The following FAM111B variants were observed in gnomAD, a reference collection of about 807,000 sequenced individuals.
The protein encoded by FAM111B is serine protease FAM111B.
A neutral mutation model predicts 2.8 loss-of-function variants in FAM111B; 1 was observed. The observed-to-expected ratio is 0.36, with a 90% CI of 0.13 to 1.70. The LOEUF is 1.70. Ranked by LOEUF, FAM111B falls within the 40% of genes most tolerant of loss-of-function variation. FAM111B has a pLI of 0.35. For synonymous variants in FAM111B, 297 were observed against 295.6 expected, an observed-to-expected ratio of 1.00 and a Z score of -0.05; for missense variants, 882 against 878.9, an observed-to-expected ratio of 1.00 and a Z score of -0.04.
In FAM111B at chr11:59,124,465, A is replaced by ACT. The variant is rs767223238; in HGVS notation, c.368_369insCT (p.Gln124PhefsTer15). 108 of 1,613,544 alleles carry ACT rather than the reference A, an allele frequency of 6.7e-5. No individual in the cohort carries two copies. The highest frequency in any genetic ancestry group is 8.6e-5 in the Non-Finnish European group (102 of 1,179,832). ...GACTATTTCAGTGAAAGGATAAAGAATCAGTTTAATAAGAACATTATTGTT... is the reference window on the plus strand; with the variant it reads ...GACTATTTCAGTGAAAGGATAAAGAACTTCAGTTTAATAAGAACATTATTGTT... On this transcript the variant is annotated frameshift_variant, in exon 4 of 4. Coordinates refer to ENST00000343597, the MANE Select transcript of FAM111B (RefSeq NM_198947.4). LOFTEE classifies it low-confidence loss of function (END_TRUNC).
intron 3 of FAM111B, among the ~76,000 whole-genome samples, chr11:59,123,597 TC>T (rs1194216451): frequency 2.0e-5 from 3 of 152,178 alleles, no homozygotes; most frequent in African/African-American, 7.2e-5. Flanking sequence ...CTGGAAATAA[TC>T]TAAATATTCA....
chr11:59,125,539 A>G lies in FAM111B; in HGVS notation c.1442A>G (p.Asn481Ser), dbSNP rs369331071. 3.2e-5 allele frequency: 52 copies of G among 1,613,848 alleles called. No homozygotes were observed. The highest frequency in any genetic ancestry group is 2.7e-4 in the East Asian group (12 of 44,886). The change falls in exon 4 of 4, where the codon AAT becomes AGT. Residue 481 changes from asparagine (N) to serine (S), a missense_variant. Coordinates refer to ENST00000343597, the MANE Select transcript of FAM111B (RefSeq NM_198947.4). ...NTGNATCFVF[N>S]GGYIFTCRHV... ...GGTAATGCTACTTGCTTTGTCTTCA[A>G]TGGTGGTTATATTTTCACCTGTCGA... is the stretch of plus-strand genomic sequence containing the variant.
chr11:59,109,450 C>T, intron 2 of FAM111B, 90 bp from the exon 3 acceptor site: 1 of 484,552 alleles, frequency 2.1e-6, no homozygotes, highest in Non-Finnish European at 3.7e-6. Flanking sequence ...TGATTTTCTT[C>T]TCAGATATCA....
chr11:59,112,178 T>C (rs1490458260), intron 3 of FAM111B, among the ~76,000 whole-genome samples: 2 of 152,186 alleles, frequency 1.3e-5, no homozygotes, highest in African/African-American at 4.8e-5. Flanking sequence ...GCCCTATTCA[T>C]CCCAGTCCCT....
intron 3 of FAM111B, among the ~76,000 whole-genome samples, chr11:59,112,811 A>G (rs2135396813): frequency 6.6e-6 from 1 of 152,320 alleles, no homozygotes; most frequent in Middle Eastern, 3.4e-3. Flanking sequence ...TGTCTATTAA[A>G]ATATTTTTCC....
chr11:59,120,204 A>G lies in FAM111B; in HGVS notation c.82-3975A>G, dbSNP rs376122811. On this transcript the variant is annotated intron_variant, in intron 3 of 3. Transcript: ENST00000343597. Reference sequence around the variant, plus strand: ...TCAAGATATACTAATGAGTAGAAAAATTCAAAATTAAGACAATATTTCATG... The same window carrying G: ...TCAAGATATACTAATGAGTAGAAAAGTTCAAAATTAAGACAATATTTCATG... 1.6e-3 allele frequency among the ~76,000 whole-genome samples: 243 copies of G among 152,370 alleles called. 4 individuals are homozygous for G. In the South Asian group the frequency reaches 0.046, roughly 29 times the overall value.
At position 59,124,995 on chromosome 11, in the gene FAM111B, C is replaced by A; in HGVS notation, c.898C>A (p.Gln300Lys). ...TGAAATTAATCACCAGAGTCTGATA[C>A]AGTCTAAGAAAAAAGTCCACAAACC... ...TDEINHQSLI[Q>K]SKKKVHKPKK... The change falls in exon 4 of 4, where the codon CAG becomes AAG. Residue 300 changes from glutamine to lysine, a missense_variant. Transcript: ENST00000343597. 6.2e-7 allele frequency: 1 copy of A among 1,612,272 alleles called. No individual in the cohort carries two copies.
At position 59,124,750 on chromosome 11, in the gene FAM111B, G is replaced by A. The variant is rs1060428; in HGVS notation, c.653G>A (p.Gly218Asp). 1,256 of 1,613,818 alleles carry A rather than the reference G, an allele frequency of 7.8e-4. 16 individuals are homozygous for A. The African/African-American group carries it at 0.015, about 19-fold the overall frequency. The change falls in exon 4 of 4, where the codon GGT becomes GAT. Residue 218 changes from glycine (G) to aspartate (D), a missense_variant. Physicochemically the swap from Gly to Asp is moderately conservative, Grantham distance 94 (BLOSUM62 -1). Coordinates refer to ENST00000343597, the MANE Select transcript of FAM111B (RefSeq NM_198947.4). ...AAACTTTGTATTTATGCCTTGAAGGGTGAGACTATTGAAGGAGCCTTATGC... is the reference window on the plus strand; with the variant it reads ...AAACTTTGTATTTATGCCTTGAAGGATGAGACTATTGAAGGAGCCTTATGC... ...GSKLCIYALK[G>D]ETIEGALCKD...
Position 59,125,004 on chromosome 11 carries a change from A to G in FAM111B, c.907A>G (p.Lys303Glu). The change falls in exon 4 of 4, where the codon AAA becomes GAA. Residue 303 changes from lysine to glutamate, a missense_variant. By Grantham distance (56) the Lys-to-Glu change is moderately conservative. Coordinates refer to ENST00000343597, the MANE Select transcript of FAM111B (RefSeq NM_198947.4). ...TCACCAGAGTCTGATACAGTCTAAG[A>G]AAAAAGTCCACAAACCAAAGAAAGA... is the stretch of plus-strand genomic sequence containing the variant. Reference protein sequence around the residue: ...INHQSLIQSKKKVHKPKKDGE... With the variant: ...INHQSLIQSKEKVHKPKKDGE... The G allele has an allele frequency of 6.2e-7, 1 of 1,612,736 alleles. No individual in the cohort carries two copies. The highest frequency in any genetic ancestry group is 1.7e-4 in the Middle Eastern group (1 of 6,060).
At chr11:59,115,389 C>A (rs1859823734) in intron 3 of FAM111B, among the ~76,000 whole-genome samples, 1 of 152,198 alleles carries the variant, frequency 6.6e-6, no homozygotes. Context: ...TCATCCAGTT[C>A]CCCATCTTTG....
At chr11:59,121,681 T>C (rs1421593660) in intron 3 of FAM111B, among the ~76,000 whole-genome samples, 1 of 152,230 alleles carries the variant, frequency 6.6e-6, no homozygotes, top group Non-Finnish European at 1.5e-5. Context: ...GAGACACCCT[T>C]GTAGATGTGC....
At position 59,124,792 on chromosome 11, in the gene FAM111B, G is replaced by C; in HGVS notation, c.695G>C (p.Arg232Pro). 1.2e-6 allele frequency: 2 copies of C among 1,613,662 alleles called. No homozygotes were observed. Among genetic ancestry groups the C allele is most frequent in the Non-Finnish European group, 1.7e-6 (2 of 1,179,786 alleles). The stretch of plus-strand genomic sequence containing the variant: ...GCCTTATGCAAGGATGGCCGTTTTC[G>C]GTCTGACATAGGTGAATTTGAATGG... ...EGALCKDGRF[R>P]SDIGEFEWKL... The change falls in exon 4 of 4, where the codon CGG becomes CCG. Residue 232 changes from arginine to proline, a missense_variant. Transcript: ENST00000343597.
At chr11:59,112,079 A>C (rs1859766616) in intron 3 of FAM111B, among the ~76,000 whole-genome samples, 1 of 152,222 alleles carries the variant, frequency 6.6e-6, no homozygotes, top group Non-Finnish European at 1.5e-5. Flanking sequence ...AACCATGACC[A>C]AAATCCAGAA....
chr11:59,118,808 T>G (rs1048634629), intron 3 of FAM111B, among the ~76,000 whole-genome samples: 4 of 152,228 alleles, frequency 2.6e-5, no homozygotes, highest in Middle Eastern at 3.2e-3. Flanking sequence ...TTGAGATGAT[T>G]CTGTGTATAT....
chr11:59,111,286 TG>T (rs1432561116), intron 3 of FAM111B, among the ~76,000 whole-genome samples: 2 of 152,226 alleles, frequency 1.3e-5, no homozygotes, highest in African/African-American at 4.8e-5. Context: ...ATTCTTAAGC[TG>T]TCATGAATTC....
rs150569626 is a variant in FAM111B, at chr11:59,113,697, G to A, written c.81+3991G>A. ...CAGATGGAGTCACGTCTCTATCAGC[G>A]TCCCCCAGACTTAGAGTCCCCTGGA... On this transcript the variant is annotated intron_variant, in intron 3 of 3. Coordinates refer to ENST00000343597, the MANE Select transcript of FAM111B (RefSeq NM_198947.4). Among the ~76,000 whole-genome samples the A allele has an allele frequency of 4.9e-3, 741 of 152,272 alleles. 9 individuals are homozygous for A. The highest frequency in any genetic ancestry group is 0.02 in the Middle Eastern group (6 of 294).
chr11:59,120,565 AAGATGTCAGC>A (rs923290284), intron 3 of FAM111B, among the ~76,000 whole-genome samples: 14 of 152,348 alleles, frequency 9.2e-5, no homozygotes, highest in African/African-American at 3.4e-4. Context: ...GTACAAGGTC[AAGATGTCAGC>A]AGAGTTTGTG....
At position 59,124,995 on chromosome 11, in the gene FAM111B, C is replaced by G. The variant is rs1859995016; in HGVS notation, c.898C>G (p.Gln300Glu). Residue 300 changes from glutamine (Q) to glutamate (E), a missense_variant, in exon 4 of 4, where the codon CAG becomes GAG. Gln to Glu is a conservative substitution (Grantham distance 29). Coordinates refer to ENST00000343597, the MANE Select transcript of FAM111B (RefSeq NM_198947.4). ...TDEINHQSLI[Q>E]SKKKVHKPKK... is the part of the protein sequence containing the mutation. ...TGAAATTAATCACCAGAGTCTGATA[C>G]AGTCTAAGAAAAAAGTCCACAAACC... is the stretch of plus-strand genomic sequence containing the variant. The G allele has an allele frequency of 6.2e-7, 1 of 1,612,272 alleles. No homozygotes were observed. The highest frequency in any genetic ancestry group is 8.5e-7 in the Non-Finnish European group (1 of 1,179,602).
intron 3 of FAM111B, 112 bp from the exon 4 acceptor site, chr11:59,124,067 C>A: frequency 1.6e-6 from 1 of 631,840 alleles, no homozygotes; most frequent in Non-Finnish European, 2.5e-6. Context: ...TATTCGTTAA[C>A]CATTATATTA....
Sources: allele counts gnomAD v4.1 joint callset (sites outside exome capture counted in the v4.1 genomes callset), GRCh38; gene constraint gnomAD v4.1.1; transcripts MANE v1.5; gene names NCBI Gene and HGNC (gene_info 2026-07-23, HGNC 2026-07-21).